TBX2: variants seen among roughly 807,000 people sequenced by gnomAD.
TBX2 encodes T-box transcription factor 2, also known as T-box transcription factor TBX2.
In TBX2, 19 loss-of-function variants were observed where a neutral mutation model predicts 48.4. The observed-to-expected ratio is 0.39, with a 90% CI of 0.27 to 0.58. The LOEUF (loss-of-function observed/expected upper bound fraction) is 0.58. Among genes scored for constraint, TBX2 ranks in the 20% least tolerant of loss-of-function variants. The pLI is 0.54. For missense variants in TBX2, 994 were observed against 1,006.5 expected, an observed-to-expected ratio of 0.99 and a Z score of 0.17; for synonymous variants, 522 against 459.7, an observed-to-expected ratio of 1.14 and a Z score of -1.73.
Position 61,405,394 on chromosome 17 carries a change from G to A in TBX2, c.1244G>A (p.Gly415Asp). The change falls in exon 6 of 7, where the codon GGC becomes GAC. Residue 415 changes from glycine to aspartate, a missense_variant. Physicochemically the swap from Gly to Asp is moderately conservative, Grantham distance 94. Around this residue, in one of 5 missense-constraint regions of TBX2, gnomAD observed 639 missense variants for 613.2 expected, o/e 1.04. Transcript: ENST00000240328. Reference protein sequence around the residue: ...GKEPAESGGDGPFGLRSLEKE... With the variant: ...GKEPAESGGDDPFGLRSLEKE... ...GAGCCGGCCGAGAGCGGCGGGGACGGCCCGTTCGGCCTGAGGAGCCTGGAG... is the reference window on the plus strand; with the variant it reads ...GAGCCGGCCGAGAGCGGCGGGGACGACCCGTTCGGCCTGAGGAGCCTGGAG... The A allele has an allele frequency of 1.3e-6, 2 of 1,531,090 alleles. No individual in the cohort carries two copies. The highest frequency in any genetic ancestry group is 1.8e-6 in the Non-Finnish European group (2 of 1,142,834). 94.8% of individuals were successfully genotyped at this position (1,531,090 alleles called of 1,614,324 possible). A position where few individuals can be genotyped will look rare whatever the true frequency, so the allele number is the denominator to read the frequency against.
At chr17:61,402,770 T>C (rs1459284448) in intron 2 of TBX2, among the ~76,000 whole-genome samples, 1 of 152,062 alleles carries the variant, frequency 6.6e-6, no homozygotes, top group African/African-American at 2.4e-5. Context: ...TTGTTTTGTT[T>C]TTGCTCTGTC....
At chr17:61,407,969 C>T (rs550535212) in intron 6 of TBX2, 85 bp from the exon 7 acceptor site, 236 of 1,447,186 alleles carry the variant, frequency 1.6e-4, no homozygotes, top group Middle Eastern at 7.3e-4. Flanking sequence ...CAGAAGGGCA[C>T]GGTGTCCAGG....
At position 61,408,766 on chromosome 17, in the gene TBX2, C is replaced by G. The variant is rs1028891934; in HGVS notation, c.*260C>G. 2 of 390,862 alleles carry G rather than the reference C, an allele frequency of 5.1e-6. No homozygotes were observed. Among genetic ancestry groups the G allele is most frequent in the South Asian group, 1.2e-4 (1 of 8,390 alleles). 24.2% of individuals were successfully genotyped at this position (390,862 alleles called of 1,614,324 possible). ...TCCGCTCCAGCGTCAAGGTGGCATC[C>G]GAAGGTGTCTCTGGTCTTCCAGCGA... On this transcript the variant is annotated 3_prime_UTR_variant, in exon 7 of 7. Coordinates refer to ENST00000240328, the MANE Select transcript of TBX2 (RefSeq NM_005994.4).
chr17:61,402,011 A>C, intron 2 of TBX2, 60 bp downstream of exon 2: 1 of 1,525,970 alleles, frequency 6.6e-7, no homozygotes, highest in Non-Finnish European at 8.8e-7. Context: ...ACTGCAGCTG[A>C]GCAGGAGAGC....
At position 61,400,349 on chromosome 17, in the gene TBX2, C is replaced by A; in HGVS notation, c.173C>A (p.Ala58Glu). 9.9e-7 allele frequency: 1 copy of A among 1,007,808 alleles called. No homozygotes were observed. Among genetic ancestry groups the A allele is most frequent in the Non-Finnish European group, 1.2e-6 (1 of 847,610 alleles). The allele number at this position is 1,007,808 out of a possible 1,614,324, so 62.4% of individuals were successfully genotyped here. A position where few individuals can be genotyped will look rare whatever the true frequency, so the allele number is the denominator to read the frequency against. The change falls in exon 1 of 7, where the codon GCG becomes GAG. Residue 58 changes from alanine (A) to glutamate (E), a missense_variant. Ala to Glu is a moderately radical substitution (Grantham distance 107). This residue lies in a region of TBX2 where 165 missense variants were observed against 136.8 expected (regional missense o/e 1.21). Transcript: ENST00000240328. The surrounding 1 kb of genome is among the most constrained non-coding windows in gnomAD (Gnocchi z 9.2). ...AAGCCGCTGCCCGACCCGGGCCTGG[C>A]GGGGGCGGCGGCCGCGGCGGCGGCG... ...LAKPLPDPGL[A>E]GAAAAAAAAA...
chr17:61,404,469 G>A lies in TBX2; in HGVS notation c.859G>A (p.Asp287Asn). Reference sequence around the variant, plus strand: ...CAACCCGTTTGCCAAGGGCTTCCGGGACACCGGGAACGGCCGGCGGGAGAA... The same window carrying A: ...CAACCCGTTTGCCAAGGGCTTCCGGAACACCGGGAACGGCCGGCGGGAGAA... ...DNNPFAKGFR[D>N]TGNGRREKRK... is the part of the protein sequence containing the mutation. The change falls in exon 4 of 7, where the codon GAC (aspartate) becomes AAC (asparagine). Residue 287 changes from aspartate (D) to asparagine (N), a missense_variant. By Grantham distance (23) the Asp-to-Asn change is conservative. Transcript: ENST00000240328. 1 of 1,612,312 alleles carries A rather than the reference G, an allele frequency of 6.2e-7. No individual in the cohort carries two copies. The highest frequency in any genetic ancestry group is 8.5e-7 in the Non-Finnish European group (1 of 1,179,440).
rs2060288737 is a variant in TBX2 at position 61,406,278 on chromosome 17, CA to C, written c.1686+445del. 6.2e-6 allele frequency: 1 copy of C among 162,030 alleles called. No homozygotes were observed. The highest frequency in any genetic ancestry group is 2.4e-5 in the African/African-American group (1 of 41,888). The allele number at this position is 162,030 out of a possible 1,614,324, so 10.0% of individuals were successfully genotyped here. A position where few individuals can be genotyped will look rare whatever the true frequency, so the allele number is the denominator to read the frequency against. On this transcript the variant is annotated intron_variant, in intron 6 of 6. Coordinates refer to ENST00000240328, the MANE Select transcript of TBX2 (RefSeq NM_005994.4). This position sits in a 1 kb window ranked among gnomAD's most constrained non-coding sequence, Gnocchi z 5.7. ...TGAAAGGCTAAGGTGGCCAGACAGA[CA>C]AAGGGAGAAGGAACATTTGCATTAT...
rs2060284532 is a variant in TBX2, at chr17:61,405,418, A to G, written c.1268A>G (p.Glu423Gly). 1 of 1,549,124 alleles carries G rather than the reference A, an allele frequency of 6.5e-7. No individual in the cohort carries two copies. ...GDGPFGLRSL[E>G]KERAEARRKD... The stretch of plus-strand genomic sequence containing the variant: ...GGCCCGTTCGGCCTGAGGAGCCTGG[A>G]GAAGGAGCGCGCCGAAGCTCGGAGG... The change falls in exon 6 of 7, where the codon GAG (glutamate) becomes GGG (glycine). Residue 423 changes from glutamate (E) to glycine (G), a missense_variant. Physicochemically the swap from Glu to Gly is moderately conservative, Grantham distance 98 (BLOSUM62 -2). This residue lies in a region of TBX2 where 639 missense variants were observed against 613.2 expected (regional missense o/e 1.04). Coordinates refer to ENST00000240328, the MANE Select transcript of TBX2 (RefSeq NM_005994.4).
rs1039567651 is a variant in TBX2 at position 61,404,778 on chromosome 17, C to A, written c.1051+9C>A. ...CCTGCACCGGGCCCGAGGTGAGGGTCGGACCGGAGGAGGGACAGGGAGGTG... is the reference window on the plus strand; with the variant it reads ...CCTGCACCGGGCCCGAGGTGAGGGTAGGACCGGAGGAGGGACAGGGAGGTG... On this transcript the variant is annotated intron_variant, in intron 5 of 6. Transcript: ENST00000240328. 6.5e-7 allele frequency: 1 copy of A among 1,542,648 alleles called. No homozygotes were observed. Among genetic ancestry groups the A allele is most frequent in the Non-Finnish European group, 8.7e-7 (1 of 1,148,336 alleles).
At position 61,403,212 on chromosome 17, in the gene TBX2, G is replaced by C. The variant is rs1349683378; in HGVS notation, c.810+5G>C. ...ACTGCCTACCAGAATGACAAGGTGC[G>C]CGCGGCGGGCGGTGGGCTAAGCCCC... On this transcript the variant is annotated splice_donor_5th_base_variant and intron_variant, in intron 3 of 6. Coordinates refer to ENST00000240328, the MANE Select transcript of TBX2 (RefSeq NM_005994.4). This position sits in a 1 kb window ranked among gnomAD's most constrained non-coding sequence, Gnocchi z 5.8. The C allele has an allele frequency of 6.2e-7, 1 of 1,612,036 alleles. No homozygotes were observed. Among genetic ancestry groups the C allele is most frequent in the Non-Finnish European group, 8.5e-7 (1 of 1,179,928 alleles).
In TBX2 at chr17:61,400,443, G is replaced by A; in HGVS notation, c.267G>A (p.Leu89=). The A allele has an allele frequency of 6.3e-7, 1 of 1,586,512 alleles. No homozygotes were observed. Among genetic ancestry groups the A allele is most frequent in the East Asian group, 2.3e-5 (1 of 43,984 alleles). Residue 89 remains leucine, a synonymous_variant, in exon 1 of 7, where the codon CTG becomes CTA. Transcript: ENST00000240328. The surrounding 1 kb of genome is among the most constrained non-coding windows in gnomAD (Gnocchi z 9.2). ...ALGPHPPAAH[L]RSLKSLEPED... Reference sequence around the variant, plus strand: ...GCCCGCACCCGCCCGCCGCGCATCTGCGCTCCCTCAAGAGCCTGGAGCCCG... The same window carrying A: ...GCCCGCACCCGCCCGCCGCGCATCTACGCTCCCTCAAGAGCCTGGAGCCCG...
chr17:61,402,050 G>T (rs1303140610), intron 2 of TBX2, 99 bp downstream of exon 2: 3 of 1,480,618 alleles, frequency 2.0e-6, no homozygotes, highest in East Asian at 4.6e-5. Context: ...AGGGGGAAGC[G>T]CTGGGCAAAC....
chr17:61,404,293 C>T (rs189963077), intron 3 of TBX2, 128 bp from the exon 4 acceptor site: 2 of 1,175,084 alleles, frequency 1.7e-6, no homozygotes, highest in South Asian at 3.4e-5. Context: ...CCATCCCAGG[C>T]GGGTGGGTAC....
intron 2 of TBX2, among the ~76,000 whole-genome samples, chr17:61,402,378 C>G (rs1603240999): frequency 6.6e-6 from 1 of 152,206 alleles, no homozygotes; most frequent in Non-Finnish European, 1.5e-5. Context: ...GGCCCTCCCC[C>G]AAGACTAGGG....
At chr17:61,402,082 G>C in intron 2 of TBX2, 131 bp downstream of exon 2, 3 of 1,359,940 alleles carry the variant, frequency 2.2e-6, no homozygotes, top group South Asian at 3.0e-5. Context: ...CCCTGCCCGG[G>C]TCACTGCCCT....
rs1027621899 is a variant in TBX2 at position 61,403,989 on chromosome 17, G to C, written c.811-432G>C. 5.9e-5 allele frequency among the ~76,000 whole-genome samples: 9 copies of C among 152,170 alleles called. No homozygotes were observed. On this transcript the variant is annotated intron_variant, in intron 3 of 6. Coordinates refer to ENST00000240328, the MANE Select transcript of TBX2 (RefSeq NM_005994.4). The surrounding 1 kb of genome is among the most constrained non-coding windows in gnomAD (Gnocchi z 5.8). ...GGTTCCGTAGGCGTTTGTTATGTCTGTGCACACTTGCGTGTGTGCGAGCCC... is the reference window on the plus strand; with the variant it reads ...GGTTCCGTAGGCGTTTGTTATGTCTCTGCACACTTGCGTGTGTGCGAGCCC...
At chr17:61,402,983 A>C in intron 2 of TBX2, 78 bp from the exon 3 acceptor site, 1 of 1,389,226 alleles carries the variant, frequency 7.2e-7, no homozygotes, top group Non-Finnish European at 9.5e-7. Context: ...AGTGGAGAGG[A>C]AGAGGTCAGG....
At position 61,405,255 on chromosome 17, in the gene TBX2, G is replaced by A. The variant is rs1273598196; in HGVS notation, c.1105G>A (p.Glu369Lys). Residue 369 changes from glutamate (E) to lysine (K), a missense_variant, in exon 6 of 7, where the codon GAG (glutamate) becomes AAG (lysine). Coordinates refer to ENST00000240328, the MANE Select transcript of TBX2 (RefSeq NM_005994.4). ...DSDPEPERLS[E>K]ERAGAPLGRS... is the part of the protein sequence containing the mutation. ...CGACCCGGAGCCTGAGCGGTTGAGC[G>A]AGGAGCGTGCGGGGGCGCCGCTAGG... 1.1e-5 allele frequency: 17 copies of A among 1,573,746 alleles called. No individual in the cohort carries two copies. Among genetic ancestry groups the A allele is most frequent in the Admixed American group, 7.1e-5 (4 of 56,538 alleles).
chr17:61,404,138 G>A (rs1007213560), intron 3 of TBX2, among the ~76,000 whole-genome samples: 2 of 152,214 alleles, frequency 1.3e-5, no homozygotes, highest in Non-Finnish European at 2.9e-5. Context: ...TGCATGCTTG[G>A]GCTGGTTCCG....
Sources: allele counts gnomAD v4.1 joint callset (sites outside exome capture counted in the v4.1 genomes callset), GRCh38; gene constraint gnomAD v4.1.1; regional missense constraint gnomAD v4.1.1; non-coding constraint Gnocchi (gnomAD v3.1); transcripts MANE v1.5; gene names NCBI Gene and HGNC (gene_info 2026-07-23, HGNC 2026-07-21).